The following GRB2 variants were observed in gnomAD, a reference collection of about 807,000 sequenced individuals.
GRB2 encodes growth factor receptor-bound protein 2.
Under a neutral mutation model 27.4 loss-of-function variants are expected in GRB2, and 2 were observed. The ratio of observed to expected loss-of-function variants is 0.07; its 90% CI spans 0.03 to 0.23. The LOEUF (loss-of-function observed/expected upper bound fraction) is 0.23, where lower values mean the gene tolerates loss of function less well. GRB2 is among the 10% of genes least tolerant of loss of function. The pLI, the probability that GRB2 is intolerant of heterozygous loss-of-function variation, is 1.00. For synonymous variants in GRB2, 94 were observed against 99.6 expected, an observed-to-expected ratio of 0.94 and a Z score of 0.33; for missense variants, 102 against 282.4, an observed-to-expected ratio of 0.36 and a Z score of 4.58.
intron 2 of GRB2, among the ~76,000 whole-genome samples, chr17:75,363,407 C>T (rs896066013): frequency 6.6e-6 from 1 of 152,104 alleles, no homozygotes; most frequent in Admixed American, 6.6e-5. Flanking sequence ...CTCTGGAAAG[C>T]TATGTGGATT....
Position 75,393,671 on chromosome 17 carries a change from G to A in GRB2, c.-43C>T, listed in dbSNP as rs1297833408. On this transcript the variant is annotated 5_prime_UTR_variant, in exon 2 of 6. Transcript: ENST00000316804. ...GCTCAGCAGCCTGAAGCAGGGGGAA[G>A]GGAGTCTTCCCTGCTGAAGCAACCC... 7.9e-6 allele frequency: 12 copies of A among 1,524,496 alleles called. No individual in the cohort carries two copies. Among genetic ancestry groups the A allele is most frequent in the Admixed American group, 1.7e-5 (1 of 59,884 alleles). 94.4% of individuals were successfully genotyped at this position (1,524,496 alleles called of 1,614,324 possible). A position where few individuals can be genotyped will look rare whatever the true frequency, so the allele number is the denominator to read the frequency against.
At chr17:75,363,576 C>T (rs1275145486) in intron 2 of GRB2, among the ~76,000 whole-genome samples, 3 of 152,068 alleles carry the variant, frequency 2.0e-5, no homozygotes, top group Middle Eastern at 3.2e-3. Flanking sequence ...AGCAAACTAG[C>T]GGGCCGGGCA....
At chr17:75,353,279 CCACAGTTGGCCCT>C (rs1013235077) in intron 2 of GRB2, among the ~76,000 whole-genome samples, 1 of 151,940 alleles carries the variant, frequency 6.6e-6, no homozygotes, top group African/African-American at 2.4e-5. Flanking sequence ...TACTCAAGTC[CCACAGTTGGCCCT>C]CTGCGTAAGT....
intron 2 of GRB2, among the ~76,000 whole-genome samples, chr17:75,361,821 G>A (rs1203428052): frequency 6.6e-6 from 1 of 151,784 alleles, no homozygotes; most frequent in East Asian, 1.9e-4. Context: ...CTATTAAAAT[G>A]AGAGATGAGA....
At chr17:75,325,279 C>T (rs60369601) in intron 4 of GRB2, among the ~76,000 whole-genome samples, 1 of 151,804 alleles carries the variant, frequency 6.6e-6, no homozygotes, top group African/African-American at 2.4e-5. Flanking sequence ...AAGTAAAAAA[C>T]ATGGAAATAA....
At chr17:75,354,344 C>A (rs1286214457) in intron 2 of GRB2, among the ~76,000 whole-genome samples, 1 of 150,074 alleles carries the variant, frequency 6.7e-6, no homozygotes, top group Admixed American at 6.7e-5. Context: ...ACTGCAACAA[C>A]CTCCACTTCC....
intron 1 of GRB2, among the ~76,000 whole-genome samples, chr17:75,395,866 A>C (rs1337326563): frequency 1.3e-5 from 2 of 148,906 alleles, no homozygotes; most frequent in Non-Finnish European, 3.0e-5. Flanking sequence ...TTTTTGAGAT[A>C]GAGTTCTCTA....
At chr17:75,377,699 G>C (rs2078903120) in intron 2 of GRB2, among the ~76,000 whole-genome samples, 1 of 149,844 alleles carries the variant, frequency 6.7e-6, no homozygotes. Context: ...TTCAGGTCAA[G>C]AGTTAGAGAC....
intron 2 of GRB2, among the ~76,000 whole-genome samples, chr17:75,374,379 G>A (rs981765851): frequency 2.1e-5 from 3 of 144,324 alleles, no homozygotes; most frequent in African/African-American, 7.8e-5. Flanking sequence ...ACCCCAGCCT[G>A]GGAGACAGAG....
Position 75,393,655 on chromosome 17 carries a change from C to A in GRB2, c.-27G>T. 3 of 1,594,700 alleles carry A rather than the reference C, an allele frequency of 1.9e-6. No individual in the cohort carries two copies. The highest frequency in any genetic ancestry group is 2.6e-6 in the Non-Finnish European group (3 of 1,162,538). On this transcript the variant is annotated 5_prime_UTR_variant, in exon 2 of 6. Transcript: ENST00000316804. ...CTGAGCGCTGCTCAGTGCTCAGCAG[C>A]CTGAAGCAGGGGGAAGGGAGTCTTC...
chr17:75,368,093 T>G (rs2078831524), intron 2 of GRB2, among the ~76,000 whole-genome samples: 1 of 152,122 alleles, frequency 6.6e-6, no homozygotes, highest in Non-Finnish European at 1.5e-5. Context: ...TTTTGTACTT[T>G]TTGTAGAGAC....
At chr17:75,402,520 C>G (rs1293657631) in intron 1 of GRB2, among the ~76,000 whole-genome samples, 1 of 152,186 alleles carries the variant, frequency 6.6e-6, no homozygotes, top group Non-Finnish European at 1.5e-5. Context: ...TAAAGCCACA[C>G]AGCAGTCTTA....
intron 2 of GRB2, among the ~76,000 whole-genome samples, chr17:75,348,928 A>G (rs1199790145): frequency 1.3e-5 from 2 of 152,166 alleles, no homozygotes; most frequent in Non-Finnish European, 2.9e-5. Context: ...CGCCCACCTC[A>G]GCCTCCCAAA....
At chr17:75,399,183 G>C (rs1179025503) in intron 1 of GRB2, among the ~76,000 whole-genome samples, 1 of 151,976 alleles carries the variant, frequency 6.6e-6, no homozygotes, top group Non-Finnish European at 1.5e-5. Context: ...AAGTAGCTGG[G>C]ACTACAGGTG....
chr17:75,363,808 G>A (rs541387856), intron 2 of GRB2, among the ~76,000 whole-genome samples: 4 of 145,120 alleles, frequency 2.8e-5, no homozygotes, highest in Non-Finnish European at 3.0e-5. Context: ...TGCAGCAAGC[G>A]GAGATCGCCC....
intron 1 of GRB2, among the ~76,000 whole-genome samples, chr17:75,397,417 C>G (rs186823283): frequency 2.0e-5 from 3 of 152,298 alleles, no homozygotes; most frequent in African/African-American, 7.2e-5. Flanking sequence ...GAAACTGTTA[C>G]CAGCCCATCC....
intron 2 of GRB2, among the ~76,000 whole-genome samples, chr17:75,385,874 G>T (rs765752397): frequency 2.0e-5 from 3 of 152,158 alleles, no homozygotes; most frequent in Non-Finnish European, 2.9e-5. Context: ...CACCTTCATT[G>T]CCACTTAATA....
intron 4 of GRB2, among the ~76,000 whole-genome samples, chr17:75,322,237 T>C (rs1226956585): frequency 1.3e-5 from 2 of 152,082 alleles, no homozygotes; most frequent in African/African-American, 4.8e-5. Context: ...CTGGGCATGA[T>C]GGTGCATGCC....
intron 3 of GRB2, among the ~76,000 whole-genome samples, chr17:75,330,150 G>A (rs1210080851): frequency 6.6e-6 from 1 of 151,294 alleles, no homozygotes; most frequent in Non-Finnish European, 1.5e-5. Context: ...TTGGGAGGCC[G>A]AGGCGGGCGG....
Sources: allele counts gnomAD v4.1 joint callset (sites outside exome capture counted in the v4.1 genomes callset), GRCh38; gene constraint gnomAD v4.1.1; transcripts MANE v1.5; gene names NCBI Gene and HGNC (gene_info 2026-07-23, HGNC 2026-07-21).